TENM2: variants seen among roughly 807,000 people sequenced by gnomAD.
TENM2 encodes teneurin transmembrane protein 2, also known as teneurin-2.
Under a neutral mutation model 245.2 loss-of-function variants are expected in TENM2, and 52 were observed. The ratio of observed to expected loss-of-function variants is 0.21; its 90% CI spans 0.17 to 0.27. The LOEUF (loss-of-function observed/expected upper bound fraction) is 0.27, where lower values mean the gene tolerates loss of function less well. TENM2 is among the 10% of genes least tolerant of loss of function. TENM2 has a pLI of 1.00. For missense variants in TENM2, 3,046 were observed against 3,666.8 expected (o/e 0.83, Z 4.37); for synonymous variants, 1,363 against 1,438.9 (o/e 0.95, Z 1.19).
chr5:167,377,304 C>G (rs1247328192), intron 2 of TENM2, among the ~76,000 whole-genome samples: 2 of 151,852 alleles, frequency 1.3e-5, no homozygotes, highest in Non-Finnish European at 1.5e-5. Context: ...AGAAATAAAC[C>G]CTTGATATAG....
At chr5:167,835,778 A>G (rs554786850) in intron 2 of TENM2, among the ~76,000 whole-genome samples, 5 of 152,210 alleles carry the variant, frequency 3.3e-5, no homozygotes, top group Non-Finnish European at 5.9e-5. Flanking sequence ...CAGCAAGACA[A>G]TGTTTTTATG....
At chr5:168,211,181 G>A (rs1317997837) in intron 19 of TENM2, among the ~76,000 whole-genome samples, 2 of 152,298 alleles carry the variant, frequency 1.3e-5, no homozygotes, top group Admixed American at 1.3e-4. Flanking sequence ...AACAGCCTTT[G>A]CCCAACTGCA....
At chr5:167,723,237 G>T (rs911209082) in intron 2 of TENM2, among the ~76,000 whole-genome samples, 6 of 152,144 alleles carry the variant, frequency 3.9e-5, no homozygotes, top group Non-Finnish European at 8.8e-5. Flanking sequence ...CTTGCATGGT[G>T]ACTTTCCTTA....
At chr5:167,689,985 G>A (rs1214972557) in intron 2 of TENM2, among the ~76,000 whole-genome samples, 2 of 151,750 alleles carry the variant, frequency 1.3e-5, no homozygotes, top group East Asian at 3.9e-4. Context: ...TGCTTTCAGT[G>A]TGAAGGGTTC....
intron 9 of TENM2, among the ~76,000 whole-genome samples, chr5:168,116,329 C>A (rs1795081233): frequency 6.6e-6 from 1 of 152,138 alleles, no homozygotes; most frequent in African/African-American, 2.4e-5. Flanking sequence ...ATAGCGCCCC[C>A]AGTAGTTATG....
At chr5:167,160,803 A>G in the TENM2 span, among the ~76,000 whole-genome samples, 6 of 152,288 alleles carry the variant, frequency 3.9e-5, no homozygotes, top group East Asian at 9.6e-4. Context: ...GTTTACTGCA[A>G]TGTCCCTCAT....
intron 1 of TENM2, among the ~76,000 whole-genome samples, chr5:167,348,674 C>T (rs1351548709): frequency 6.6e-6 from 1 of 152,178 alleles, no homozygotes; most frequent in African/African-American, 2.4e-5. Flanking sequence ...TGATGGTTAA[C>T]ATAGAGTGTT....
chr5:168,115,833 GCACA>G (rs1795042737), intron 9 of TENM2, among the ~76,000 whole-genome samples: 1 of 152,266 alleles, frequency 6.6e-6, no homozygotes, highest in Middle Eastern at 3.4e-3. Context: ...GTCTCAGCCT[GCACA>G]CTGCATTGAC....
At chr5:168,210,401 T>A (rs1433334974) in intron 19 of TENM2, among the ~76,000 whole-genome samples, 1 of 152,130 alleles carries the variant, frequency 6.6e-6, no homozygotes, top group African/African-American at 2.4e-5. Flanking sequence ...TTTTACAAAA[T>A]CTTGACTTTA....
chr5:167,972,576 A>G (rs1004432982), intron 4 of TENM2, among the ~76,000 whole-genome samples: 1 of 152,178 alleles, frequency 6.6e-6, no homozygotes, highest in Non-Finnish European at 1.5e-5. Flanking sequence ...CAAAAGTTAA[A>G]TTCCTGGAAG....
chr5:167,584,734 G>A (rs1392033301), intron 2 of TENM2, among the ~76,000 whole-genome samples: 15 of 147,550 alleles, frequency 1.0e-4, no homozygotes, highest in African/African-American at 3.5e-4. Context: ...TCGCTCTGTC[G>A]CCCAGGCTGG....
intron 6 of TENM2, among the ~76,000 whole-genome samples, chr5:168,053,428 G>A (rs1177531225): frequency 1.3e-5 from 2 of 152,088 alleles, no homozygotes; most frequent in Non-Finnish European, 2.9e-5. Flanking sequence ...TTTCAGAATT[G>A]ACTTGTACAC....
chr5:166,988,680 A>G, the TENM2 span, among the ~76,000 whole-genome samples: 7 of 152,366 alleles, frequency 4.6e-5, no homozygotes, highest in Admixed American at 6.5e-5. Flanking sequence ...AAAATAAGAT[A>G]TAGAAACAGG....
chr5:167,206,248 T>G, the TENM2 span, among the ~76,000 whole-genome samples: 1 of 152,228 alleles, frequency 6.6e-6, no homozygotes, highest in Non-Finnish European at 1.5e-5. Flanking sequence ...AAAATGTTTC[T>G]GCTTTTGTTT....
the TENM2 span, among the ~76,000 whole-genome samples, chr5:167,276,986 T>C: frequency 6.6e-6 from 1 of 152,136 alleles, no homozygotes; most frequent in African/African-American, 2.4e-5. Context: ...CTGATGTGGA[T>C]AATTTGTGTC....
At chr5:167,305,502 TCAGA>T (rs1239598762) in intron 1 of TENM2, among the ~76,000 whole-genome samples, 1 of 152,198 alleles carries the variant, frequency 6.6e-6, no homozygotes, top group Non-Finnish European at 1.5e-5. Flanking sequence ...CTCAGGAAAC[TCAGA>T]CAGCTTGCTT....
At chr5:167,318,946 G>T (rs1323523915) in intron 1 of TENM2, among the ~76,000 whole-genome samples, 2 of 152,194 alleles carry the variant, frequency 1.3e-5, no homozygotes, top group African/African-American at 4.8e-5. Flanking sequence ...CAATAGGAGA[G>T]CAGTTGGAAT....
chr5:168,199,986 C>T (rs1463192348), exon 17 of TENM2: 2 of 1,613,982 alleles, frequency 1.2e-6, no homozygotes, highest in Middle Eastern at 1.6e-4. Context: ...TGCCCCTGAA[C>T]CTCATTAGGG....
chr5:167,871,603 A>G (rs1217524275), intron 2 of TENM2, among the ~76,000 whole-genome samples: 2 of 152,174 alleles, frequency 1.3e-5, no homozygotes, highest in East Asian at 3.9e-4. Flanking sequence ...CACATACACA[A>G]GACCATATGA....
Sources: gnomAD v4.1 joint callset for allele counts (sites outside exome capture counted in the v4.1 genomes callset) on GRCh38, gnomAD v4.1.1 for gene constraint, MANE v1.5 for transcripts, NCBI Gene and HGNC (gene_info 2026-07-23, HGNC 2026-07-21) for gene names.